Variants in AFDN observed in about 807,000 individuals in gnomAD.
AFDN encodes the protein afadin, adherens junction formation factor.
A neutral mutation model predicts 216.6 loss-of-function variants in AFDN; 68 were observed. That is an observed-to-expected ratio of 0.31 (90% CI 0.26 to 0.38). AFDN has a LOEUF of 0.38. AFDN is among the 10% of genes least tolerant of loss of function. The pLI is 1.00. For missense variants in AFDN, 2,136 were observed against 2,342.0 expected, an observed-to-expected ratio of 0.91 and a Z score of 1.82; for synonymous variants, 868 against 853.7, an observed-to-expected ratio of 1.02 and a Z score of -0.29.
At chr6:167,967,781 G>A (rs1425436895) in intron 32 of AFDN, among the ~76,000 whole-genome samples, 1 of 152,154 alleles carries the variant, frequency 6.6e-6, no homozygotes, top group African/African-American at 2.4e-5. Flanking sequence ...TGCACCGTGT[G>A]CAGAGCGCAT....
Position 167,938,514 on chromosome 6 carries a change from A to G in AFDN, c.3100-4615A>G, listed in dbSNP as rs1026015896. On this transcript the variant is annotated intron_variant, in intron 23 of 33. Transcript: ENST00000683244. ...TCTGAAATTTATAATGTAAACTTCAACCTATTTAAAGATAGGGAGTGCAGT... is the reference window on the plus strand; with the variant it reads ...TCTGAAATTTATAATGTAAACTTCAGCCTATTTAAAGATAGGGAGTGCAGT... 3.9e-5 allele frequency among the ~76,000 whole-genome samples: 6 copies of G among 152,312 alleles called. No individual in the cohort carries two copies. The South Asian group carries it at 1.2e-3, about 32-fold the overall frequency.
intron 12 of AFDN, among the ~76,000 whole-genome samples, chr6:167,904,947 A>G (rs115394515): frequency 0.01 from 1,567 of 152,148 alleles, 30 homozygotes; most frequent in African/African-American, 0.036. Context: ...CTCAGCCCCT[A>G]TGCCCTGAGC....
chr6:167,878,832 C>G (rs989432679), intron 5 of AFDN, among the ~76,000 whole-genome samples: 7 of 152,244 alleles, frequency 4.6e-5, no homozygotes, highest in African/African-American at 1.7e-4. Context: ...TTGCTGGTCC[C>G]CTGCTGAGAC....
chr6:167,890,344 T>G (rs530096356), intron 7 of AFDN, among the ~76,000 whole-genome samples: 1 of 152,370 alleles, frequency 6.6e-6, no homozygotes, highest in Non-Finnish European at 1.5e-5. Flanking sequence ...ACTAAAAATA[T>G]ACACATATAT....
chr6:167,826,624 T>A, upstream of AFDN: 1 of 509,542 alleles, frequency 2.0e-6, no homozygotes, highest in East Asian at 5.5e-5. Context: ...CACTGCCCAT[T>A]TAGATCCAGC....
intron 12 of AFDN, 43 bp from the exon 13 acceptor site, chr6:167,907,128 T>G (rs1354173402): frequency 6.7e-7 from 1 of 1,492,206 alleles, no homozygotes; most frequent in Non-Finnish European, 9.3e-7. Flanking sequence ...GCTTGGTTGG[T>G]CTGTGTGAGG....
rs766869068 is a variant in AFDN, at chr6:167,947,840, CT to C, written c.3554-12del. The C allele has an allele frequency of 4.4e-6, 7 of 1,576,938 alleles. No individual in the cohort carries two copies. In the African/African-American group the frequency reaches 5.5e-5, roughly 12 times the overall value. ...AATATTACACTTTTTTTTTTCCCCC[CT>C]GACTTGAGCAGATCAGCCTCCTAGT... On this transcript the variant is annotated splice_polypyrimidine_tract_variant and intron_variant, in intron 27 of 33. Coordinates refer to ENST00000683244, the MANE Select transcript of AFDN (RefSeq NM_001386888.1).
intron 20 of AFDN, 144 bp from the exon 21 acceptor site, chr6:167,918,591 C>T (rs377184812): frequency 1.9e-5 from 15 of 772,494 alleles, no homozygotes; most frequent in Admixed American, 4.2e-5. Context: ...GTGCTCCCTC[C>T]GTAACCCTGC....
chr6:167,942,345 A>G (rs904196931), intron 23 of AFDN, among the ~76,000 whole-genome samples: 1 of 152,128 alleles, frequency 6.6e-6, no homozygotes, highest in African/African-American at 2.4e-5. Context: ...ATGGATTTGT[A>G]TTTGTCTTCA....
At chr6:167,837,087 C>T (rs1380940434) in intron 1 of AFDN, among the ~76,000 whole-genome samples, 1 of 152,076 alleles carries the variant, frequency 6.6e-6, no homozygotes, top group Non-Finnish European at 1.5e-5. Context: ...TTATTACCTT[C>T]ATGACATTGT....
intron 15 of AFDN, 58 bp downstream of exon 15, chr6:167,911,547 C>A: frequency 1.4e-6 from 2 of 1,477,608 alleles, no homozygotes; most frequent in Non-Finnish European, 1.9e-6. Context: ...ATTGCTAAGC[C>A]AGTGAATTCA....
rs1562330059 is a variant in AFDN at position 167,951,726 on chromosome 6, C to T, written c.4372C>T (p.Pro1458Ser). Residue 1458 changes from proline (P) to serine (S), a missense_variant, in exon 30 of 34, where the codon CCT becomes TCT. Coordinates refer to ENST00000683244, the MANE Select transcript of AFDN (RefSeq NM_001386888.1). This position sits in a 1 kb window ranked among gnomAD's most constrained non-coding sequence, Gnocchi z 7.1. ...LGQMRTQSLN[P>S]APFSPLTAQQ... Reference sequence around the variant, plus strand: ...CCAGATGCGCACTCAGTCCTTAAACCCTGCTCCGTTTTCTCCCCTGACTGC... The same window carrying T: ...CCAGATGCGCACTCAGTCCTTAAACTCTGCTCCGTTTTCTCCCCTGACTGC... 5 of 1,613,974 alleles carry T rather than the reference C, an allele frequency of 3.1e-6. No individual in the cohort carries two copies. The highest frequency in any genetic ancestry group is 4.2e-6 in the Non-Finnish European group (5 of 1,180,014).
Position 167,880,564 on chromosome 6 carries a change from A to G in AFDN, c.897+47A>G, listed in dbSNP as rs773128236. 6 of 1,567,620 alleles carry G rather than the reference A, an allele frequency of 3.8e-6. No individual in the cohort carries two copies. The Admixed American group carries it at 5.3e-5, about 14-fold the overall frequency. On this transcript the variant is annotated intron_variant, in intron 6 of 33. Coordinates refer to ENST00000683244, the MANE Select transcript of AFDN (RefSeq NM_001386888.1). Reference sequence around the variant, plus strand: ...GTAGTTCTTTCTACTTCACATTTAAATGGTAGATTTTCTTTAAATCAAATT... The same window carrying G: ...GTAGTTCTTTCTACTTCACATTTAAGTGGTAGATTTTCTTTAAATCAAATT...
At chr6:167,845,002 G>A (rs956914985) in intron 1 of AFDN, among the ~76,000 whole-genome samples, 12 of 151,940 alleles carry the variant, frequency 7.9e-5, no homozygotes, top group African/African-American at 2.7e-4. Context: ...TGGGGCTACA[G>A]GCATGTGCCA....
chr6:167,890,817 G>A lies in AFDN; in HGVS notation c.1010-45G>A, dbSNP rs752042451. Reference sequence around the variant, plus strand: ...TGACTGCCAGTCAGCGGGCCATCCTGACCAACCTGAGTCTGCCTGATGATT... The same window carrying A: ...TGACTGCCAGTCAGCGGGCCATCCTAACCAACCTGAGTCTGCCTGATGATT... On this transcript the variant is annotated intron_variant, in intron 7 of 33. Transcript: ENST00000683244. 1.9e-6 allele frequency: 3 copies of A among 1,593,424 alleles called. No individual in the cohort carries two copies. The South Asian group carries it at 3.4e-5, about 18-fold the overall frequency.
rs1303124392 is a variant in AFDN at position 167,884,625 on chromosome 6, C to G, written c.897+4108C>G. ...TTCTTCTTTCCTCTGAGCAGTAGGT[C>G]CCAACAGTGGGCTCAAAATAGTAAG... On this transcript the variant is annotated intron_variant, in intron 6 of 33. Coordinates refer to ENST00000683244, the MANE Select transcript of AFDN (RefSeq NM_001386888.1). Among the ~76,000 whole-genome samples, 4 of 152,030 alleles carry G rather than the reference C, an allele frequency of 2.6e-5. No homozygotes were observed. The East Asian group carries it at 7.7e-4, about 29-fold the overall frequency.
intron 30 of AFDN, among the ~76,000 whole-genome samples, chr6:167,957,185 C>T (rs1376133603): frequency 7.1e-6 from 1 of 141,262 alleles, no homozygotes; most frequent in East Asian, 2.6e-4. Flanking sequence ...CCTGCCCCCA[C>T]TGCTTCATAT....
At chr6:167,891,672 A>G (rs1382454200) in intron 8 of AFDN, among the ~76,000 whole-genome samples, 2 of 152,152 alleles carry the variant, frequency 1.3e-5, no homozygotes, top group Non-Finnish European at 2.9e-5. Context: ...GGCATTCTTA[A>G]GGAAATGTTT....
chr6:167,960,179 A>C (rs1256296658), intron 30 of AFDN, among the ~76,000 whole-genome samples: 1 of 152,224 alleles, frequency 6.6e-6, no homozygotes, highest in African/African-American at 2.4e-5. Flanking sequence ...TTGAAGAACA[A>C]AACAATTTAT....
Sources: gnomAD v4.1 joint callset for allele counts (sites outside exome capture counted in the v4.1 genomes callset) on GRCh38, gnomAD v4.1.1 for gene constraint, Gnocchi (gnomAD v3.1) non-coding constraint, MANE v1.5 for transcripts, NCBI Gene and HGNC (gene_info 2026-07-23, HGNC 2026-07-21) for gene names.